Variants in CCDC60 observed in about 807,000 individuals in gnomAD.
CCDC60 encodes coiled-coil domain containing 60.
A neutral mutation model predicts 63.5 loss-of-function variants in CCDC60; 54 were observed. The ratio of observed to expected loss-of-function variants is 0.85; its 90% CI spans 0.68 to 1.07. The LOEUF is 1.07. CCDC60 is among the 50% of genes least tolerant of loss of function. The pLI, the probability that CCDC60 is intolerant of heterozygous loss-of-function variation, is 0.00. For synonymous variants in CCDC60, 206 were observed against 238.8 expected (o/e 0.86, Z 1.27); for missense variants, 651 against 684.3 (o/e 0.95, Z 0.54).
In CCDC60 at chr12:119,505,885, G is replaced by C. The variant is rs1028664691; in HGVS notation, c.883+582G>C. On this transcript the variant is annotated intron_variant, in intron 7 of 13. Coordinates refer to ENST00000327554, the MANE Select transcript of CCDC60 (RefSeq NM_178499.5). ...AAAGCATTTTTTTAAATTTAGCCCA[G>C]TTTATACAGAACATTATCATTTCAA... is the stretch of plus-strand genomic sequence containing the variant. Among the ~76,000 whole-genome samples the C allele has an allele frequency of 7.2e-5, 11 of 152,168 alleles. 1 individual carries two copies. The highest frequency in any genetic ancestry group is 5.9e-4 in the Admixed American group (9 of 15,278).
chr12:119,527,307 T>C (rs374890982), intron 11 of CCDC60, among the ~76,000 whole-genome samples: 2 of 152,088 alleles, frequency 1.3e-5, no homozygotes, highest in South Asian at 2.1e-4. Context: ...AAAATAACTA[T>C]TGGGTACAGA....
At chr12:119,487,830 A>C (rs976226341) in intron 4 of CCDC60, among the ~76,000 whole-genome samples, 2 of 152,106 alleles carry the variant, frequency 1.3e-5, no homozygotes, top group Admixed American at 1.3e-4. Context: ...AAATCAGAAA[A>C]TGTAGGTGAG....
intron 2 of CCDC60, among the ~76,000 whole-genome samples, chr12:119,436,032 T>A (rs974685400): frequency 4.6e-5 from 7 of 152,200 alleles, no homozygotes; most frequent in Non-Finnish European, 7.3e-5. Flanking sequence ...GTATGTGAGA[T>A]CTTTTGAGCT....
At chr12:119,359,365 T>G (rs1030875906) in intron 1 of CCDC60, among the ~76,000 whole-genome samples, 1 of 152,210 alleles carries the variant, frequency 6.6e-6, no homozygotes, top group Admixed American at 6.5e-5. Context: ...ATCTGTACAT[T>G]CTTGGAACAT....
In CCDC60 at chr12:119,532,430, T is replaced by C. The variant is rs7134883; in HGVS notation, c.1551+1367T>C. Among the ~76,000 whole-genome samples the C allele has an allele frequency of 5.2e-3, 763 of 147,630 alleles. 3 individuals carry two copies. Among genetic ancestry groups the C allele is most frequent in the African/African-American group, 0.017 (682 of 39,732 alleles). On this transcript the variant is annotated intron_variant, in intron 13 of 13. Coordinates refer to ENST00000327554, the MANE Select transcript of CCDC60 (RefSeq NM_178499.5). ...TTATTATTATTATTATTATTATTAT[T>C]ATCATTATACTTTAAGTTCTGGGAT...
chr12:119,512,334 C>T (rs944002634), intron 7 of CCDC60, among the ~76,000 whole-genome samples: 2 of 152,192 alleles, frequency 1.3e-5, no homozygotes, highest in Admixed American at 6.5e-5. Flanking sequence ...TTCACTTTTA[C>T]GTTTAGCAAC....
chr12:119,340,550 T>C (rs1955521510), intron 1 of CCDC60, among the ~76,000 whole-genome samples: 1 of 146,026 alleles, frequency 6.8e-6, no homozygotes, highest in Non-Finnish European at 1.5e-5. Context: ...CACCACCAAG[T>C]GATGAGGATG....
At chr12:119,432,058 G>T (rs1394956321) in intron 2 of CCDC60, among the ~76,000 whole-genome samples, 1 of 152,218 alleles carries the variant, frequency 6.6e-6, no homozygotes, top group East Asian at 1.9e-4. Context: ...CAGCTTGGAG[G>T]TTAGAAGCAA....
chr12:119,477,698 C>A (rs1951205260), intron 3 of CCDC60, among the ~76,000 whole-genome samples: 2 of 152,168 alleles, frequency 1.3e-5, no homozygotes, highest in South Asian at 4.1e-4. Flanking sequence ...GAAAGAAAGG[C>A]AGAGAGTGAG....
chr12:119,507,487 C>T (rs939981262), intron 7 of CCDC60, among the ~76,000 whole-genome samples: 1 of 140,522 alleles, frequency 7.1e-6, no homozygotes, highest in Admixed American at 7.3e-5. Flanking sequence ...CATATATACA[C>T]ATATATACAT....
intron 1 of CCDC60, among the ~76,000 whole-genome samples, chr12:119,419,510 C>T (rs954651764): frequency 3.9e-5 from 6 of 152,224 alleles, no homozygotes; most frequent in African/African-American, 9.6e-5. Context: ...AAGTGGTGTC[C>T]GCCAGACCTC....
intron 1 of CCDC60, among the ~76,000 whole-genome samples, chr12:119,363,468 T>C (rs1413701240): frequency 6.6e-6 from 1 of 151,838 alleles, no homozygotes; most frequent in Non-Finnish European, 1.5e-5. Flanking sequence ...GCCTTTTTAT[T>C]CCTTTAATGG....
intron 2 of CCDC60, among the ~76,000 whole-genome samples, chr12:119,432,421 G>T (rs1950247290): frequency 6.6e-6 from 1 of 152,154 alleles, no homozygotes; most frequent in Non-Finnish European, 1.5e-5. Context: ...GAATTTCATG[G>T]GCATCAATCA....
At chr12:119,401,224 CT>C (rs1309244128) in intron 1 of CCDC60, among the ~76,000 whole-genome samples, 2 of 152,320 alleles carry the variant, frequency 1.3e-5, no homozygotes, top group East Asian at 3.9e-4. Context: ...ACCACACTGC[CT>C]GAGAGGTTTT....
chr12:119,352,325 T>C (rs753211372), intron 1 of CCDC60, among the ~76,000 whole-genome samples: 21 of 152,216 alleles, frequency 1.4e-4, no homozygotes, highest in Non-Finnish European at 7.3e-5. Context: ...ACCATATCAC[T>C]ATCCTGCCTG....
At chr12:119,430,688 T>G (rs1317197840) in intron 2 of CCDC60, among the ~76,000 whole-genome samples, 4 of 67,956 alleles carry the variant, frequency 5.9e-5, no homozygotes, top group Non-Finnish European at 1.2e-4. Context: ...AAAAGTCACA[T>G]GAGTCACATG....
chr12:119,379,327 C>T (rs549438451), intron 1 of CCDC60, among the ~76,000 whole-genome samples: 1 of 152,284 alleles, frequency 6.6e-6, no homozygotes, highest in Non-Finnish European at 1.5e-5. Flanking sequence ...GTTTTGTGGC[C>T]TGGACACCCA....
chr12:119,410,102 T>G lies in CCDC60; in HGVS notation c.91-18581T>G, dbSNP rs1174496323. 6.6e-6 allele frequency among the ~76,000 whole-genome samples: 1 copy of G among 152,096 alleles called. No individual in the cohort carries two copies. The highest frequency in any genetic ancestry group is 1.9e-4 in the East Asian group (1 of 5,182). ...ATACCCTGACGCTCTCCAAGATACA[T>G]TGTTATGTCAGGGGAAATCAGGACA... On this transcript the variant is annotated intron_variant, in intron 1 of 13. Transcript: ENST00000327554. This position sits in a 1 kb window ranked among gnomAD's most constrained non-coding sequence, Gnocchi z 4.0.
intron 2 of CCDC60, among the ~76,000 whole-genome samples, chr12:119,467,863 C>G (rs1034097538): frequency 1.3e-5 from 2 of 152,198 alleles, no homozygotes; most frequent in African/African-American, 4.8e-5. Context: ...TTATCAAGTT[C>G]CCTTGCAGCT....
Sources: gnomAD v4.1 joint callset for allele counts (sites outside exome capture counted in the v4.1 genomes callset) on GRCh38, gnomAD v4.1.1 for gene constraint, Gnocchi (gnomAD v3.1) non-coding constraint, MANE v1.5 for transcripts, NCBI Gene and HGNC (gene_info 2026-07-23, HGNC 2026-07-21) for gene names.